FRMD6: variants seen among roughly 807,000 people sequenced by gnomAD.
FRMD6 encodes FERM domain containing 6.
Under a neutral mutation model 73.2 loss-of-function variants are expected in FRMD6, and 37 were observed. That is an observed-to-expected ratio of 0.51 (90% CI 0.39 to 0.66). The LOEUF is 0.66. Ranked by LOEUF, FRMD6 falls within the 30% of genes least tolerant of loss-of-function variation. The probability of loss-of-function intolerance (pLI) is 0.00; values close to 1 mark genes in which losing one functional copy is unlikely to be tolerated. For missense variants in FRMD6, 714 were observed against 780.5 expected (o/e 0.91, Z 1.02); for synonymous variants, 273 against 282.2 (o/e 0.97, Z 0.33).
chr14:51,700,804 A>T (rs994821854), intron 3 of FRMD6, among the ~76,000 whole-genome samples: 1 of 151,932 alleles, frequency 6.6e-6, no homozygotes, highest in Admixed American at 6.6e-5. Context: ...GGAATCTAAG[A>T]TTTCTTCTAA....
intron 1 of FRMD6, among the ~76,000 whole-genome samples, chr14:51,499,463 T>C (rs867025293): frequency 1.3e-5 from 2 of 152,254 alleles, no homozygotes; most frequent in Non-Finnish European, 2.9e-5. Context: ...GTATAAAAGC[T>C]TCAACTACAT....
chr14:51,556,855 G>A (rs930401275), intron 1 of FRMD6, among the ~76,000 whole-genome samples: 1 of 151,932 alleles, frequency 6.6e-6, no homozygotes, highest in African/African-American at 2.4e-5. Context: ...CTTTATTCAA[G>A]TGGCTTCCAA....
At chr14:51,571,209 A>G (rs140053108) in intron 2 of FRMD6, among the ~76,000 whole-genome samples, 8 of 152,198 alleles carry the variant, frequency 5.3e-5, no homozygotes, top group Non-Finnish European at 1.2e-4. Context: ...CTTCATCTCT[A>G]TAAAAAACAG....
At chr14:51,601,500 T>C (rs1890035338) in intron 2 of FRMD6, among the ~76,000 whole-genome samples, 1 of 152,222 alleles carries the variant, frequency 6.6e-6, no homozygotes, top group South Asian at 2.1e-4. Context: ...GAATTAGTGG[T>C]GAAACTTCCA....
At chr14:51,714,713 A>G (rs954936812) in intron 9 of FRMD6, 1 of 152,194 alleles carries the variant, frequency 6.6e-6, no homozygotes, top group Non-Finnish European at 1.5e-5. Flanking sequence ...CTAAACCCCA[A>G]ATAGATATCC....
At chr14:51,548,564 T>C (rs1386069618) in intron 1 of FRMD6, among the ~76,000 whole-genome samples, 2 of 152,220 alleles carry the variant, frequency 1.3e-5, no homozygotes, top group African/African-American at 4.8e-5. Context: ...CAATATTTTG[T>C]CTTTCTTGAA....
chr14:51,620,755 C>G, intron 2 of FRMD6, among the ~76,000 whole-genome samples: 1 of 152,208 alleles, frequency 6.6e-6, no homozygotes, highest in Admixed American at 6.5e-5. Flanking sequence ...CAGACCCAAA[C>G]CACTGACACT....
chr14:51,640,103 T>A (rs1267471145), intron 2 of FRMD6, among the ~76,000 whole-genome samples: 1 of 152,210 alleles, frequency 6.6e-6, no homozygotes, highest in Non-Finnish European at 1.5e-5. Flanking sequence ...TAATTACAGT[T>A]TTAGTTATTC....
intron 1 of FRMD6, among the ~76,000 whole-genome samples, chr14:51,654,271 A>T (rs1277477749): frequency 6.9e-5 from 10 of 144,078 alleles, no homozygotes; most frequent in Non-Finnish European, 1.4e-4. Flanking sequence ...ACAAATTCTT[A>T]AAAAAAATTG....
chr14:51,593,581 C>A (rs1256508625), intron 2 of FRMD6, among the ~76,000 whole-genome samples: 1 of 152,166 alleles, frequency 6.6e-6, no homozygotes, highest in African/African-American at 2.4e-5. Flanking sequence ...TGCTTCGCAT[C>A]CTCTGCCCTC....
chr14:51,618,130 G>A (rs1253555370), intron 2 of FRMD6, among the ~76,000 whole-genome samples: 1 of 152,138 alleles, frequency 6.6e-6, no homozygotes, highest in Non-Finnish European at 1.5e-5. Context: ...TGTTATCTGT[G>A]AGAATAACAA....
chr14:51,426,202 A>G, the FRMD6 span, among the ~76,000 whole-genome samples: 1 of 152,084 alleles, frequency 6.6e-6, no homozygotes, highest in Admixed American at 6.5e-5. Context: ...ATCGTTAGTT[A>G]TATTCAAAAA....
At chr14:51,505,699 T>C (rs1883922949) in intron 1 of FRMD6, among the ~76,000 whole-genome samples, 1 of 152,192 alleles carries the variant, frequency 6.6e-6, no homozygotes. Context: ...TAAACCTAAA[T>C]GCATCCTTTC....
At chr14:51,674,552 G>T (rs1419157686) in intron 1 of FRMD6, among the ~76,000 whole-genome samples, 1 of 152,060 alleles carries the variant, frequency 6.6e-6, no homozygotes, top group Admixed American at 6.6e-5. Context: ...AAAAAGCAGT[G>T]CTGAGCAGAG....
intron 1 of FRMD6, among the ~76,000 whole-genome samples, chr14:51,680,401 A>T (rs1894714779): frequency 6.6e-6 from 1 of 152,156 alleles, no homozygotes; most frequent in African/African-American, 2.4e-5. Context: ...ACAGTTTAGC[A>T]TTTAATTTAA....
At chr14:51,637,036 C>T (rs1891598295) in intron 2 of FRMD6, among the ~76,000 whole-genome samples, 1 of 152,060 alleles carries the variant, frequency 6.6e-6, no homozygotes, top group African/African-American at 2.4e-5. Context: ...CCAGTCTGGG[C>T]AACACAGGGA....
At chr14:51,647,217 C>A (rs960640673), upstream of FRMD6, among the ~76,000 whole-genome samples, 8 of 151,692 alleles carry the variant, frequency 5.3e-5, no homozygotes, top group African/African-American at 1.9e-4. Context: ...TTAATTTTTT[C>A]AACTCTGTAT....
chr14:51,445,524 G>A, the FRMD6 span, among the ~76,000 whole-genome samples: 1 of 150,012 alleles, frequency 6.7e-6, no homozygotes, highest in African/African-American at 2.5e-5. Flanking sequence ...GTTATACAAT[G>A]TTAAAGCTAG....
At chr14:51,601,437 C>G (rs1566495967) in intron 2 of FRMD6, among the ~76,000 whole-genome samples, 1 of 152,124 alleles carries the variant, frequency 6.6e-6, no homozygotes, top group South Asian at 2.1e-4. Flanking sequence ...GAAATGCTGT[C>G]ACATCAACCC....
Sources: allele counts gnomAD v4.1 joint callset (sites outside exome capture counted in the v4.1 genomes callset), GRCh38; gene constraint gnomAD v4.1.1; transcripts MANE v1.5; gene names NCBI Gene and HGNC (gene_info 2026-07-23, HGNC 2026-07-21).